The following BCL2L1 variants were observed in gnomAD, a reference collection of about 807,000 sequenced individuals.
The protein encoded by BCL2L1 is BCL2 like 1, also known as bcl-2-like protein 1.
BCL2L1 carries 1 observed loss-of-function variant against 18.7 expected under a neutral mutation model. The ratio of observed to expected loss-of-function variants is 0.05; its 90% CI spans 0.02 to 0.25. The LOEUF (loss-of-function observed/expected upper bound fraction) is 0.25, where lower values mean the gene tolerates loss of function less well. BCL2L1 is among the 10% of genes least tolerant of loss of function. The pLI is 1.00. For synonymous variants in BCL2L1, 103 were observed against 122.7 expected (o/e 0.84, Z 1.06); for missense variants, 207 against 304.9 (o/e 0.68, Z 2.39).
intron 2 of BCL2L1, among the ~76,000 whole-genome samples, chr20:31,721,125 C>A (rs943722865): frequency 1.3e-5 from 2 of 152,204 alleles, no homozygotes. Context: ...TATGGCCATG[C>A]CCTAGTCTGA....
intron 2 of BCL2L1, chr20:31,720,262 T>G: frequency 1.5e-6 from 1 of 660,332 alleles, no homozygotes; most frequent in Non-Finnish European, 1.9e-6. Context: ...AGGAGGTCTC[T>G]TGCTCAGTGG....
At chr20:31,677,412 GACCTCAA>G (rs2060782186) in intron 2 of BCL2L1, among the ~76,000 whole-genome samples, 1 of 152,054 alleles carries the variant, frequency 6.6e-6, no homozygotes, top group African/African-American at 2.4e-5. Flanking sequence ...TCAAACTCCT[GACCTCAA>G]ATGATCCACC....
intron 2 of BCL2L1, among the ~76,000 whole-genome samples, chr20:31,667,509 G>T (rs1197490923): frequency 2.0e-5 from 3 of 151,364 alleles, no homozygotes; most frequent in Non-Finnish European, 4.4e-5. Context: ...GTGTGTGTGT[G>T]TGTGTAAAAT....
chr20:31,697,892 G>GTTTCTTTTTTTTTTTTTTTTTTTTTTT (rs2061203223), intron 2 of BCL2L1, among the ~76,000 whole-genome samples: 1 of 129,640 alleles, frequency 7.7e-6, no homozygotes, highest in African/African-American at 3.3e-5. Context: ...TGCTGTTGCT[G>GTTTCTTTTTTTTTTTTTTTTTTTTTTT]TTTTTTTTTT....
chr20:31,719,660 C>T (rs982843990), intron 2 of BCL2L1, among the ~76,000 whole-genome samples: 1 of 152,176 alleles, frequency 6.6e-6, no homozygotes, highest in African/African-American at 2.4e-5. Context: ...AATTTCAACC[C>T]CATGGAGATC....
chr20:31,690,085 T>C (rs2061035929), intron 2 of BCL2L1, among the ~76,000 whole-genome samples: 2 of 152,196 alleles, frequency 1.3e-5, no homozygotes, highest in Non-Finnish European at 2.9e-5. Flanking sequence ...TGGATATTTT[T>C]AACTTTTTTT....
intron 2 of BCL2L1, among the ~76,000 whole-genome samples, chr20:31,703,990 G>A (rs1234933890): frequency 6.6e-6 from 1 of 150,794 alleles, no homozygotes; most frequent in Non-Finnish European, 1.5e-5. Flanking sequence ...TAGAGACGGG[G>A]TTTCGCCATA....
At position 31,687,190 on chromosome 20, in the gene BCL2L1, C is replaced by A. The variant is rs531847557; in HGVS notation, c.565-21104G>T. On this transcript the variant is annotated intron_variant, in intron 2 of 2. Coordinates refer to ENST00000307677, the MANE Select transcript of BCL2L1 (RefSeq NM_138578.3). The stretch of plus-strand genomic sequence containing the variant: ...ACAAAACAAAACAAACTACACTGTA[C>A]CTTACAGCATCTTGCACATGGCAGG... Among the ~76,000 whole-genome samples, 23 of 152,246 alleles carry A rather than the reference C, an allele frequency of 1.5e-4. No individual in the cohort carries two copies. The Middle Eastern group carries it at 0.014, about 90-fold the overall frequency.
intron 2 of BCL2L1, among the ~76,000 whole-genome samples, chr20:31,677,531 C>T (rs1053143144): frequency 2.0e-5 from 3 of 152,178 alleles, no homozygotes; most frequent in Admixed American, 2.0e-4. Context: ...CAAATTAATA[C>T]ATGTAAAGGT....
intron 2 of BCL2L1, among the ~76,000 whole-genome samples, chr20:31,715,023 C>A (rs1568898931): frequency 6.6e-6 from 1 of 152,148 alleles, no homozygotes; most frequent in East Asian, 1.9e-4. Flanking sequence ...GCCTGTAATT[C>A]CAGCACTTTA....
At chr20:31,695,999 C>T (rs535689469) in intron 2 of BCL2L1, among the ~76,000 whole-genome samples, 4 of 152,182 alleles carry the variant, frequency 2.6e-5, no homozygotes, top group East Asian at 1.9e-4. Context: ...AGGTTGGTCT[C>T]GAACTCCTGG....
At chr20:31,671,907 T>TA (rs1453376494) in intron 2 of BCL2L1, among the ~76,000 whole-genome samples, 4 of 147,692 alleles carry the variant, frequency 2.7e-5, no homozygotes, top group African/African-American at 7.4e-5. Flanking sequence ...ATATACTATA[T>TA]ATATACTTTA....
At chr20:31,672,535 G>A (rs1225158618) in intron 2 of BCL2L1, among the ~76,000 whole-genome samples, 1 of 152,064 alleles carries the variant, frequency 6.6e-6, no homozygotes, top group Admixed American at 6.6e-5. Flanking sequence ...GGAGAGGAGG[G>A]GTGTTCCTGG....
intron 2 of BCL2L1, among the ~76,000 whole-genome samples, chr20:31,690,943 A>C (rs1012657437): frequency 6.6e-6 from 1 of 151,768 alleles, no homozygotes. Context: ...GAGGTCAGGC[A>C]TTTGAGACCA....
chr20:31,721,564 A>G, intron 2 of BCL2L1, 91 bp downstream of exon 2: 3 of 1,441,888 alleles, frequency 2.1e-6, no homozygotes, highest in Non-Finnish European at 2.8e-6. Context: ...ACAATCACCC[A>G]ACACAACAGA....
Position 31,666,043 on chromosome 20 carries a change from C to T in BCL2L1, c.608G>A (p.Ser203Asn), listed in dbSNP as rs930721821. The change falls in exon 3 of 3, where the codon AGC becomes AAC. Residue 203 changes from serine to asparagine, a missense_variant. By Grantham distance (46) the Ser-to-Asn change is conservative (BLOSUM62 1). Coordinates refer to ENST00000307677, the MANE Select transcript of BCL2L1 (RefSeq NM_138578.3). The part of the protein sequence containing the change: ...ELYGNNAAAE[S>N]RKGQERFNRW... ...GTTGAAGCGTTCCTGGCCCTTTCGG[C>T]TCTCGGCTGCTGCATTGTTCCCATA... The T allele has an allele frequency of 6.2e-7, 1 of 1,614,142 alleles. No individual in the cohort carries two copies.
At chr20:31,711,920 T>C (rs1247611511) in intron 2 of BCL2L1, among the ~76,000 whole-genome samples, 1 of 152,240 alleles carries the variant, frequency 6.6e-6, no homozygotes, top group East Asian at 1.9e-4. Flanking sequence ...CCAGCTCTTC[T>C]TGGTACTAGC....
chr20:31,670,233 A>G (rs373945960), intron 2 of BCL2L1, among the ~76,000 whole-genome samples: 1 of 152,206 alleles, frequency 6.6e-6, no homozygotes, highest in African/African-American at 2.4e-5. Flanking sequence ...CTTGGCAGAC[A>G]AAAATATTCT....
intron 2 of BCL2L1, chr20:31,720,803 G>A: frequency 5.1e-6 from 5 of 985,422 alleles, no homozygotes; most frequent in Non-Finnish European, 6.0e-6. Context: ...AAATCTCAAT[G>A]TCCCACAGAG....
Sources: allele counts gnomAD v4.1 joint callset (sites outside exome capture counted in the v4.1 genomes callset), GRCh38; gene constraint gnomAD v4.1.1; transcripts MANE v1.5; gene names NCBI Gene and HGNC (gene_info 2026-07-23, HGNC 2026-07-21).